NGEF: variants seen among roughly 807,000 people sequenced by gnomAD.
The protein encoded by NGEF is ephexin-1.
In NGEF, 31 loss-of-function variants were observed where a neutral mutation model predicts 80.9. That is an observed-to-expected ratio of 0.38 (90% CI 0.29 to 0.52). The LOEUF (loss-of-function observed/expected upper bound fraction) is 0.52, where lower values mean the gene tolerates loss of function less well. NGEF is among the 20% of genes least tolerant of loss of function. The pLI is 0.84. For missense variants in NGEF, 709 were observed against 926.2 expected (o/e 0.77, Z 3.04); for synonymous variants, 371 against 370.2 (o/e 1.00, Z -0.03).
intron 5 of NGEF, among the ~76,000 whole-genome samples, chr2:232,908,734 G>GT (rs1219522531): frequency 6.6e-6 from 1 of 150,492 alleles, no homozygotes; most frequent in African/African-American, 2.4e-5. Context: ...TTTTGTTGCT[G>GT]TTTTTTTGGT....
intron 1 of NGEF, among the ~76,000 whole-genome samples, chr2:232,976,116 G>A (rs1045225873): frequency 1.3e-5 from 2 of 152,084 alleles, no homozygotes; most frequent in African/African-American, 4.8e-5. Flanking sequence ...CAGGAGAATC[G>A]CTTGAATCTG....
intron 3 of NGEF, among the ~76,000 whole-genome samples, chr2:232,934,279 A>C: frequency 6.7e-6 from 1 of 150,268 alleles, no homozygotes; most frequent in East Asian, 1.9e-4. Flanking sequence ...AAAGAAAAAC[A>C]CTCTATGGGC....
chr2:232,896,461 G>T (rs1046591651), intron 5 of NGEF, among the ~76,000 whole-genome samples: 2 of 150,852 alleles, frequency 1.3e-5, no homozygotes, highest in Admixed American at 6.6e-5. Flanking sequence ...CCCAGTTTCT[G>T]GTAATTTGTT....
rs1386679844 is a variant in NGEF, at chr2:232,970,310, T to C, written c.287A>G (p.Lys96Arg). ...CAAGGTCAGGGGCTCATTTACAGAT[T>C]TTCCATTGTCCTGTGAATCTGTGAC... ...SCLADSQDNG[K>R]SVNEPLTLNI... is the part of the protein sequence containing the mutation. The change falls in exon 3 of 15, where the codon AAA becomes AGA. Residue 96 changes from lysine to arginine, a missense_variant. Physicochemically the swap from Lys to Arg is conservative, Grantham distance 26. Transcript: ENST00000264051. 11 of 1,600,280 alleles carry C rather than the reference T, an allele frequency of 6.9e-6. No homozygotes were observed. Among genetic ancestry groups the C allele is most frequent in the Non-Finnish European group, 9.4e-6 (11 of 1,174,698 alleles).
intron 1 of NGEF, among the ~76,000 whole-genome samples, chr2:232,999,251 A>G (rs950154744): frequency 3.3e-5 from 5 of 152,194 alleles, no homozygotes; most frequent in African/African-American, 1.2e-4. Context: ...GCTTTTTAAA[A>G]TAGTTTTTAC....
rs1402504845 is a variant in NGEF, at chr2:232,956,797, A to T, written c.383+13417T>A. 4.6e-5 allele frequency among the ~76,000 whole-genome samples: 7 copies of T among 151,120 alleles called. No homozygotes were observed. The East Asian group carries it at 1.4e-3, about 29-fold the overall frequency. ...GACTCCATCTAAAAAAAAAAAAAAA[A>T]AAAAAAAAAAATTAGGTTACTGAAA... is the stretch of plus-strand genomic sequence containing the variant. On this transcript the variant is annotated intron_variant, in intron 3 of 14. Transcript: ENST00000264051.
intron 1 of NGEF, among the ~76,000 whole-genome samples, chr2:232,977,037 G>A (rs1241833943): frequency 6.6e-6 from 1 of 152,184 alleles, no homozygotes; most frequent in Non-Finnish European, 1.5e-5. Flanking sequence ...CTTGTCTTAT[G>A]TGTGGCAAAG....
chr2:232,987,535 C>T (rs1305151630), intron 1 of NGEF, among the ~76,000 whole-genome samples: 1 of 152,110 alleles, frequency 6.6e-6, no homozygotes, highest in Admixed American at 6.5e-5. Context: ...CAAAGAAGCC[C>T]TGGAAAGGCC....
chr2:232,919,822 G>A (rs1442206403), intron 5 of NGEF, among the ~76,000 whole-genome samples: 5 of 152,164 alleles, frequency 3.3e-5, no homozygotes, highest in African/African-American at 4.8e-5. Flanking sequence ...ACTTCCTTCA[G>A]AGACCCCATT....
intron 3 of NGEF, among the ~76,000 whole-genome samples, chr2:232,963,473 T>C (rs545325566): frequency 3.3e-5 from 5 of 152,010 alleles, no homozygotes; most frequent in African/African-American, 1.2e-4. Context: ...AATAAAAAAA[T>C]TTCTAACTTA....
chr2:232,920,489 G>A lies in NGEF; in HGVS notation c.623C>T (p.Ser208Phe), dbSNP rs559278273. The change falls in exon 5 of 15, where the codon TCC becomes TTC. Residue 208 changes from serine (S) to phenylalanine (F), a missense_variant. By Grantham distance (155) the Ser-to-Phe change is radical (BLOSUM62 -2). Coordinates refer to ENST00000264051, the MANE Select transcript of NGEF (RefSeq NM_019850.3). ...DAEIEDNTNG[S>F]PASEDTPEEE... ...CTCCGGGGTGTCCTCACTGGCCGGG[G>A]ACCCATTGGTATTGTCTTCTATTTC... The A allele has an allele frequency of 3.1e-6, 5 of 1,611,472 alleles. No individual in the cohort carries two copies. The highest frequency in any genetic ancestry group is 2.7e-5 in the African/African-American group (2 of 74,908).
chr2:232,936,116 C>G (rs1481643162), intron 3 of NGEF, among the ~76,000 whole-genome samples: 2 of 152,122 alleles, frequency 1.3e-5, no homozygotes, highest in African/African-American at 4.8e-5. Flanking sequence ...CCACCTCTGT[C>G]GCTGCAGCAG....
At position 232,952,118 on chromosome 2, in the gene NGEF, G is replaced by A. The variant is rs146268763; in HGVS notation, c.383+18096C>T. Among the ~76,000 whole-genome samples the A allele has an allele frequency of 3.4e-3, 524 of 152,362 alleles. 3 individuals are homozygous for A. The highest frequency in any genetic ancestry group is 0.012 in the African/African-American group (491 of 41,580). ...AGGGCTCTGTTGGAGACGGGGTGAG[G>A]GTCATGCCTCAGGCAGAGACCTGGT... is the stretch of plus-strand genomic sequence containing the variant. On this transcript the variant is annotated intron_variant, in intron 3 of 14. Transcript: ENST00000264051.
At chr2:232,895,222 C>T (rs1404505643) in intron 5 of NGEF, among the ~76,000 whole-genome samples, 4 of 152,092 alleles carry the variant, frequency 2.6e-5, no homozygotes, top group Non-Finnish European at 5.9e-5. Context: ...AAATATGAAA[C>T]AAGACAAAAA....
chr2:232,957,662 A>T (rs906713522), intron 3 of NGEF, among the ~76,000 whole-genome samples: 2 of 152,224 alleles, frequency 1.3e-5, no homozygotes, highest in African/African-American at 4.8e-5. Flanking sequence ...GAAAGTAGTC[A>T]TAAGTCCCAG....
chr2:232,995,550 CTATATACAGTATGTATACTGTA>C (rs200772896), intron 1 of NGEF, among the ~76,000 whole-genome samples: 1 of 8,492 alleles, frequency 1.2e-4, no homozygotes, highest in African/African-American at 1.3e-3. Flanking sequence ...AGTATGTATA[CTATATACAGTATGTATACTGTA>C]TATATATATA....
At chr2:232,891,009 T>G in intron 8 of NGEF, 1 of 487,036 alleles carries the variant, frequency 2.1e-6, no homozygotes, top group Non-Finnish European at 4.2e-6. Context: ...CCCCACCAGC[T>G]CCTCCCTGTC....
intron 3 of NGEF, among the ~76,000 whole-genome samples, chr2:232,959,227 T>G (rs1324254310): frequency 6.6e-6 from 1 of 152,188 alleles, no homozygotes; most frequent in Non-Finnish European, 1.5e-5. Context: ...CTGTTTGGAT[T>G]TTATGACTGT....
chr2:232,947,327 C>A (rs901912732), intron 3 of NGEF, among the ~76,000 whole-genome samples: 4 of 152,160 alleles, frequency 2.6e-5, no homozygotes, highest in Non-Finnish European at 5.9e-5. Context: ...AGTGCGTAGA[C>A]CCAACTCCCA....
Sources: gnomAD v4.1 joint callset for allele counts (sites outside exome capture counted in the v4.1 genomes callset) on GRCh38, gnomAD v4.1.1 for gene constraint, MANE v1.5 for transcripts, NCBI Gene and HGNC (gene_info 2026-07-23, HGNC 2026-07-21) for gene names.